Variants in STARD3NL observed in about 807,000 individuals in gnomAD.
The protein encoded by STARD3NL is STARD3 N-terminal-like protein.
Under a neutral mutation model 30.9 loss-of-function variants are expected in STARD3NL, and 17 were observed. The ratio of observed to expected loss-of-function variants is 0.55; its 90% CI spans 0.38 to 0.82. The LOEUF (loss-of-function observed/expected upper bound fraction) is 0.82, where lower values mean the gene tolerates loss of function less well. Among genes scored for constraint, STARD3NL ranks in the 40% least tolerant of loss-of-function variants. The pLI, the probability that STARD3NL is intolerant of heterozygous loss-of-function variation, is 0.00. For missense variants in STARD3NL, 234 were observed against 277.6 expected (o/e 0.84, Z 1.12); for synonymous variants, 112 against 100.5 (o/e 1.11, Z -0.69).
intron 2 of STARD3NL, among the ~76,000 whole-genome samples, chr7:38,208,277 C>A (rs1339336593): frequency 6.6e-6 from 1 of 152,188 alleles, no homozygotes; most frequent in Non-Finnish European, 1.5e-5. Context: ...TAAGATTTTG[C>A]ACATGTTTGT....
intron 1 of STARD3NL, chr7:38,202,315 A>G (rs934804797): frequency 1.3e-5 from 2 of 152,222 alleles, no homozygotes; most frequent in Non-Finnish European, 2.9e-5. Context: ...GAGGAAACAA[A>G]TTGAATGACA....
At chr7:38,212,413 A>C (rs1011059966) in intron 2 of STARD3NL, among the ~76,000 whole-genome samples, 5 of 152,148 alleles carry the variant, frequency 3.3e-5, no homozygotes, top group African/African-American at 1.2e-4. Context: ...TGCTAGTATC[A>C]GTTTAAATGT....
At chr7:38,222,582 G>C (rs976826534) in intron 7 of STARD3NL, among the ~76,000 whole-genome samples, 12 of 152,140 alleles carry the variant, frequency 7.9e-5, no homozygotes, top group African/African-American at 2.9e-4. Flanking sequence ...TCAGAACATA[G>C]AATAGTAGTG....
chr7:38,181,600 T>G (rs1784248396), intron 1 of STARD3NL, among the ~76,000 whole-genome samples: 1 of 152,176 alleles, frequency 6.6e-6, no homozygotes, highest in African/African-American at 2.4e-5. Context: ...TTAATAGAAT[T>G]TATCTTTTTC....
At chr7:38,206,644 C>T (rs1018527763) in intron 1 of STARD3NL, among the ~76,000 whole-genome samples, 2 of 152,276 alleles carry the variant, frequency 1.3e-5, no homozygotes, top group East Asian at 3.9e-4. Flanking sequence ...GTGTGCACTT[C>T]TTTTCCAAGA....
chr7:38,185,230 A>C (rs1250851568), intron 1 of STARD3NL, among the ~76,000 whole-genome samples: 2 of 152,170 alleles, frequency 1.3e-5, no homozygotes, highest in Non-Finnish European at 2.9e-5. Context: ...TCTTTCAGAG[A>C]AAAGGATACT....
intron 1 of STARD3NL, among the ~76,000 whole-genome samples, chr7:38,188,822 C>T (rs1033122761): frequency 6.6e-6 from 1 of 152,038 alleles, no homozygotes; most frequent in Non-Finnish European, 1.5e-5. Context: ...TTTTAATATT[C>T]CTATAGGAAA....
intron 1 of STARD3NL, among the ~76,000 whole-genome samples, chr7:38,202,819 C>T (rs1372682045): frequency 2.7e-5 from 4 of 148,200 alleles, no homozygotes; most frequent in East Asian, 4.0e-4. Context: ...TGAGAACATG[C>T]GGTGTTTGGT....
At chr7:38,213,032 G>A (rs1343624153) in intron 2 of STARD3NL, among the ~76,000 whole-genome samples, 1 of 152,194 alleles carries the variant, frequency 6.6e-6, no homozygotes, top group Non-Finnish European at 1.5e-5. Flanking sequence ...AGATACCAGA[G>A]AAAAGCTATG....
At chr7:38,213,358 T>A (rs896626678) in intron 2 of STARD3NL, among the ~76,000 whole-genome samples, 2 of 152,154 alleles carry the variant, frequency 1.3e-5, no homozygotes, top group Non-Finnish European at 2.9e-5. Context: ...CCTTAAGGGA[T>A]TTTCGGGCAC....
intron 1 of STARD3NL, among the ~76,000 whole-genome samples, chr7:38,198,586 A>C (rs1785031269): frequency 6.6e-6 from 1 of 152,226 alleles, no homozygotes; most frequent in Non-Finnish European, 1.5e-5. Context: ...TTTAATGTCT[A>C]TTATTCCAAC....
chr7:38,199,045 A>G (rs568778113), intron 1 of STARD3NL, among the ~76,000 whole-genome samples: 2 of 152,372 alleles, frequency 1.3e-5, no homozygotes, highest in South Asian at 4.1e-4. Flanking sequence ...ACATTGGTAT[A>G]AAACAAGACA....
intron 1 of STARD3NL, among the ~76,000 whole-genome samples, chr7:38,196,589 C>G (rs1345071580): frequency 6.6e-6 from 1 of 152,096 alleles, no homozygotes; most frequent in Non-Finnish European, 1.5e-5. Flanking sequence ...CTCGTTTTCA[C>G]TTGGCACGTT....
intron 1 of STARD3NL, among the ~76,000 whole-genome samples, chr7:38,204,640 C>T (rs1785357321): frequency 6.6e-6 from 1 of 152,084 alleles, no homozygotes; most frequent in African/African-American, 2.4e-5. Context: ...AAGATCAGAG[C>T]AGAACTGGAG....
chr7:38,191,972 G>A (rs575690046), intron 1 of STARD3NL, among the ~76,000 whole-genome samples: 1 of 151,932 alleles, frequency 6.6e-6, no homozygotes, highest in South Asian at 2.1e-4. Flanking sequence ...TCAGTTTGAG[G>A]AGAATTGATA....
chr7:38,211,598 G>A (rs1470202535), intron 2 of STARD3NL, among the ~76,000 whole-genome samples: 1 of 152,162 alleles, frequency 6.6e-6, no homozygotes, highest in African/African-American at 2.4e-5. Flanking sequence ...AAGGTATATA[G>A]AAGGATTTGT....
chr7:38,214,164 A>G (rs956736443), intron 2 of STARD3NL, among the ~76,000 whole-genome samples, 193 bp from the exon 3 acceptor site: 1 of 152,268 alleles, frequency 6.6e-6, no homozygotes, highest in African/African-American at 2.4e-5. Context: ...TGTTGAGTGA[A>G]TGAATTCAGA....
rs186541967 is a variant in STARD3NL at position 38,225,924 on chromosome 7, G to A, written c.650-2875G>A. ...TGTTTATTCTCCTTATAAAATGTGT[G>A]GATTAATATTTCTCAGCCAATTTGA... On this transcript the variant is annotated intron_variant, in intron 7 of 8. Transcript: ENST00000009041. 1.8e-3 allele frequency among the ~76,000 whole-genome samples: 271 copies of A among 152,056 alleles called. 1 individual carries two copies. Among genetic ancestry groups the A allele is most frequent in the African/African-American group, 6.2e-3 (259 of 41,464 alleles).
At chr7:38,189,473 CA>C (rs1450747640) in intron 1 of STARD3NL, among the ~76,000 whole-genome samples, 4 of 152,124 alleles carry the variant, frequency 2.6e-5, no homozygotes, top group Non-Finnish European at 4.4e-5. Context: ...TGTCTTTCCC[CA>C]GGGGTCCCTG....
Sources: allele counts gnomAD v4.1 joint callset (sites outside exome capture counted in the v4.1 genomes callset), GRCh38; gene constraint gnomAD v4.1.1; transcripts MANE v1.5; gene names NCBI Gene and HGNC (gene_info 2026-07-23, HGNC 2026-07-21).